Variants in GNA11 observed in about 807,000 individuals in gnomAD.
GNA11 encodes G protein subunit alpha 11.
In GNA11, 8 loss-of-function variants were observed where a neutral mutation model predicts 38.2. That is an observed-to-expected ratio of 0.21 (90% CI 0.12 to 0.38). GNA11 has a LOEUF of 0.38. GNA11 is among the 10% of genes least tolerant of loss of function. The probability of loss-of-function intolerance (pLI) is 1.00; values close to 1 mark genes in which losing one functional copy is unlikely to be tolerated. For missense variants in GNA11, 268 were observed against 516.3 expected (o/e 0.52, Z 4.66); for synonymous variants, 211 against 221.4 (o/e 0.95, Z 0.42).
chr19:3,110,995 T>C lies in GNA11; in HGVS notation c.321+662T>C, dbSNP rs2145316356. On this transcript the variant is annotated intron_variant, in intron 2 of 6. Transcript: ENST00000078429. The surrounding 1 kb of genome is among the most constrained non-coding windows in gnomAD (Gnocchi z 5.4). Reference sequence around the variant, plus strand: ...TTTTTGTAGAGATGGAATTTCACCATGTTGCCCAGGCTGGTCTTGAACTCC... The same window carrying C: ...TTTTTGTAGAGATGGAATTTCACCACGTTGCCCAGGCTGGTCTTGAACTCC... Among the ~76,000 whole-genome samples the C allele has an allele frequency of 6.6e-6, 1 of 152,286 alleles. No homozygotes were observed. Among genetic ancestry groups the C allele is most frequent in the Admixed American group, 6.5e-5 (1 of 15,286 alleles).
At position 3,110,698 on chromosome 19, in the gene GNA11, C is replaced by T. The variant is rs1193169102; in HGVS notation, c.321+365C>T. 5.3e-5 allele frequency among the ~76,000 whole-genome samples: 8 copies of T among 152,240 alleles called. No homozygotes were observed. The highest frequency in any genetic ancestry group is 1.7e-4 in the African/African-American group (7 of 41,462). On this transcript the variant is annotated intron_variant, in intron 2 of 6. Transcript: ENST00000078429. The surrounding 1 kb of genome is among the most constrained non-coding windows in gnomAD (Gnocchi z 5.4). ...CAGCGTGAGCTCCTGGTTCCGGCCCCTTCCCCAGGCTGAGCAGCCTACCAG... is the reference window on the plus strand; with the variant it reads ...CAGCGTGAGCTCCTGGTTCCGGCCCTTTCCCCAGGCTGAGCAGCCTACCAG...
At position 3,118,912 on chromosome 19, in the gene GNA11, G is replaced by A. The variant is rs751267772; in HGVS notation, c.606-12G>A. On this transcript the variant is annotated splice_polypyrimidine_tract_variant and intron_variant, in intron 4 of 6. Transcript: ENST00000078429. ...CGCCAGGTGGCTGAGTCCTGGCGCT[G>A]TGTCCTTTCAGGATGGTGGATGTGG... 4 of 1,607,258 alleles carry A rather than the reference G, an allele frequency of 2.5e-6. No individual in the cohort carries two copies. The highest frequency in any genetic ancestry group is 1.7e-5 in the Admixed American group (1 of 59,846).
Position 3,102,401 on chromosome 19 carries a change from C to T in GNA11, c.136+7614C>T, listed in dbSNP as rs549838253. Among the ~76,000 whole-genome samples, 12 of 152,320 alleles carry T rather than the reference C, an allele frequency of 7.9e-5. No homozygotes were observed. In the South Asian group the frequency reaches 1.5e-3, roughly 18 times the overall value. On this transcript the variant is annotated intron_variant, in intron 1 of 6. Coordinates refer to ENST00000078429, the MANE Select transcript of GNA11 (RefSeq NM_002067.5). ...ATGCCCCACCTGGGGTAGTGAGTTT[C>T]GGGGCAGCTCTTTCTTGAGCCTCAG...
intron 1 of GNA11, among the ~76,000 whole-genome samples, chr19:3,098,611 T>G (rs1913429244): frequency 6.6e-6 from 1 of 152,244 alleles, no homozygotes. Context: ...TTCCGGAGGC[T>G]TCCTGTCCGG....
intron 2 of GNA11, among the ~76,000 whole-genome samples, chr19:3,111,544 G>T (rs926027652): frequency 6.6e-6 from 1 of 152,142 alleles, no homozygotes; most frequent in African/African-American, 2.4e-5. Flanking sequence ...TGGAGGGACC[G>T]CGTATTTGCC....
In GNA11 at chr19:3,120,498, C is replaced by T. The variant is rs308043; in HGVS notation, c.890-491C>T. On this transcript the variant is annotated intron_variant, in intron 6 of 6. Coordinates refer to ENST00000078429, the MANE Select transcript of GNA11 (RefSeq NM_002067.5). This position sits in a 1 kb window ranked among gnomAD's most constrained non-coding sequence, Gnocchi z 5.9. ...AGGGTGGTGGAGGGGCAGGGGTGGC[C>T]GGTGGGAAGCAGCGCCCCTGCTGGA... 6.7e-6 allele frequency among the ~76,000 whole-genome samples: 1 copy of T among 150,144 alleles called. No individual in the cohort carries two copies. The highest frequency in any genetic ancestry group is 2.4e-5 in the African/African-American group (1 of 40,958).
rs1914041185 is a variant in GNA11 at position 3,120,475 on chromosome 19, G to A, written c.890-514G>A. ...TGGGCGGGTCGCCTGCATTGTCCAG[G>A]GTGGTGGAGGGGCAGGGGTGGCCGG... On this transcript the variant is annotated intron_variant, in intron 6 of 6. Coordinates refer to ENST00000078429, the MANE Select transcript of GNA11 (RefSeq NM_002067.5). The surrounding 1 kb of genome is among the most constrained non-coding windows in gnomAD (Gnocchi z 5.9). Among the ~76,000 whole-genome samples, 1 of 152,082 alleles carries A rather than the reference G, an allele frequency of 6.6e-6. No homozygotes were observed. The highest frequency in any genetic ancestry group is 2.4e-5 in the African/African-American group (1 of 41,420).
chr19:3,106,715 A>G (rs983364692), intron 1 of GNA11, among the ~76,000 whole-genome samples: 1 of 152,250 alleles, frequency 6.6e-6, no homozygotes, highest in Admixed American at 6.5e-5. Context: ...GTGTGCGTGC[A>G]CCATGCACGT....
intron 1 of GNA11, among the ~76,000 whole-genome samples, chr19:3,098,716 G>A (rs553320686): frequency 2.1e-4 from 32 of 152,340 alleles, no homozygotes; most frequent in Non-Finnish European, 4.0e-4. Context: ...TTGGCCCAGT[G>A]TTGGGAGGCG....
chr19:3,099,251 C>G (rs1194346756), intron 1 of GNA11, among the ~76,000 whole-genome samples: 1 of 151,910 alleles, frequency 6.6e-6, no homozygotes, highest in Non-Finnish European at 1.5e-5. Flanking sequence ...ACAGCTGGGA[C>G]CCAGCGCCCC....
rs1055731880 is a variant in GNA11, at chr19:3,123,012, C to A, written c.*1833C>A. ...AGCGTCCTTTTTTTGTGCCAGGTGT[C>A]TACCTAAGAGGGTTGGTGCCAGAAG... On this transcript the variant is annotated 3_prime_UTR_variant, in exon 7 of 7. Coordinates refer to ENST00000078429, the MANE Select transcript of GNA11 (RefSeq NM_002067.5). The A allele has an allele frequency of 5.1e-5, 12 of 233,068 alleles. No homozygotes were observed. The highest frequency in any genetic ancestry group is 2.2e-4 in the African/African-American group (10 of 45,324). The allele number at this position is 233,068 out of a possible 1,614,324, so 14.4% of individuals were successfully genotyped here.
Position 3,119,732 on chromosome 19 carries a change from T to G in GNA11, c.889+373T>G, listed in dbSNP as rs1413666289. 1.3e-5 allele frequency among the ~76,000 whole-genome samples: 2 copies of G among 151,074 alleles called. No individual in the cohort carries two copies. Among genetic ancestry groups the G allele is most frequent in the Non-Finnish European group, 3.0e-5 (2 of 67,666 alleles). On this transcript the variant is annotated intron_variant, in intron 6 of 6. Coordinates refer to ENST00000078429, the MANE Select transcript of GNA11 (RefSeq NM_002067.5). This position sits in a 1 kb window ranked among gnomAD's most constrained non-coding sequence, Gnocchi z 4.6. ...GTGGGTCTTGTACGGGAGGGAGTTG[T>G]CGTATGGGGGTGTCCTGTATAGGTG...
At position 3,106,043 on chromosome 19, in the gene GNA11, A is replaced by G. The variant is rs570364642; in HGVS notation, c.137-4106A>G. The stretch of plus-strand genomic sequence containing the variant: ...GGCAGCTGTTGAAGATTTTGGAGCC[A>G]AAAGAGCGTTCCAGCTCAGATGTCT... On this transcript the variant is annotated intron_variant, in intron 1 of 6. Transcript: ENST00000078429. 2.6e-5 allele frequency among the ~76,000 whole-genome samples: 4 copies of G among 152,182 alleles called. No homozygotes were observed. The South Asian group carries it at 8.3e-4, about 32-fold the overall frequency.
rs775040372 is a variant in GNA11 at position 3,119,236 on chromosome 19, C to T, written c.766C>T (p.Arg256Trp). ...GATGGAGGAGAGCAAAGCCCTGTTCCGGACCATCATCACCTACCCCTGGTT... is the reference window on the plus strand; with the variant it reads ...GATGGAGGAGAGCAAAGCCCTGTTCTGGACCATCATCACCTACCCCTGGTT... ...NRMEESKALF[R>W]TIITYPWFQN... The change falls in exon 6 of 7, where the codon CGG becomes TGG. Residue 256 changes from arginine (R) to tryptophan (W), a missense_variant. Transcript: ENST00000078429. The surrounding 1 kb of genome is among the most constrained non-coding windows in gnomAD (Gnocchi z 4.6). 7 of 1,613,848 alleles carry T rather than the reference C, an allele frequency of 4.3e-6. No homozygotes were observed. The South Asian group carries it at 4.4e-5, about 10-fold the overall frequency.
chr19:3,104,260 T>G (rs893838384), intron 1 of GNA11, among the ~76,000 whole-genome samples: 1 of 152,244 alleles, frequency 6.6e-6, no homozygotes, highest in African/African-American at 2.4e-5. Context: ...TTCCTCCTGG[T>G]TGGCCTCTCC....
At chr19:3,112,060 T>G (rs1913788232) in intron 2 of GNA11, among the ~76,000 whole-genome samples, 1 of 151,970 alleles carries the variant, frequency 6.6e-6, no homozygotes, top group Non-Finnish European at 1.5e-5. Context: ...ACATACCCAT[T>G]TCTGCCATGT....
chr19:3,097,840 G>A (rs945977511), intron 1 of GNA11, among the ~76,000 whole-genome samples: 1 of 152,220 alleles, frequency 6.6e-6, no homozygotes, highest in African/African-American at 2.4e-5. Flanking sequence ...GGGTGGGGCT[G>A]CCCTGGGCAC....
rs190142226 is a variant in GNA11 at position 3,121,353 on chromosome 19, G to A, written c.*174G>A. ...TGGTTTTTATTTCACAGTTATCAGG[G>A]GATGTACATCTCTCCCTCCGTACAC... On this transcript the variant is annotated 3_prime_UTR_variant, in exon 7 of 7. Coordinates refer to ENST00000078429, the MANE Select transcript of GNA11 (RefSeq NM_002067.5). 5.9e-4 allele frequency: 335 copies of A among 570,054 alleles called. 3 individuals carry two copies. The highest frequency in any genetic ancestry group is 5.3e-3 in the African/African-American group (281 of 52,830). The allele number at this position is 570,054 out of a possible 1,614,324, so 35.3% of individuals were successfully genotyped here.
intron 1 of GNA11, among the ~76,000 whole-genome samples, chr19:3,100,063 C>G (rs1191176946): frequency 6.6e-6 from 1 of 152,242 alleles, no homozygotes; most frequent in African/African-American, 2.4e-5. Context: ...TCCACAGCAC[C>G]TGGCGTGTGT....
Sources: allele counts gnomAD v4.1 joint callset (sites outside exome capture counted in the v4.1 genomes callset), GRCh38; gene constraint gnomAD v4.1.1; non-coding constraint Gnocchi (gnomAD v3.1); transcripts MANE v1.5; gene names NCBI Gene and HGNC (gene_info 2026-07-23, HGNC 2026-07-21).